The following POU6F2 variants were observed in gnomAD, a reference collection of about 807,000 sequenced individuals.
POU6F2 encodes POU class 6 homeobox 2, also known as POU domain, class 6, transcription factor 2.
A neutral mutation model predicts 71.3 loss-of-function variants in POU6F2; 31 were observed. The observed-to-expected ratio is 0.43, with a 90% CI of 0.33 to 0.59. POU6F2 has a LOEUF of 0.59. POU6F2 is among the 20% of genes least tolerant of loss of function. POU6F2 has a pLI of 0.04. For missense variants in POU6F2, 783 were observed against 856.8 expected (o/e 0.91, Z 1.07); for synonymous variants, 347 against 355.7 (o/e 0.98, Z 0.27).
intron 1 of POU6F2, among the ~76,000 whole-genome samples, chr7:38,981,652 C>T (rs1336697330): frequency 6.6e-6 from 1 of 152,098 alleles, no homozygotes; most frequent in Non-Finnish European, 1.5e-5. Context: ...TGCTAAAGTA[C>T]TAGTAGAAGA....
At chr7:39,176,633 G>A (rs1467712831) in intron 2 of POU6F2, among the ~76,000 whole-genome samples, 1 of 152,100 alleles carries the variant, frequency 6.6e-6, no homozygotes, top group Non-Finnish European at 1.5e-5. Context: ...TTTACATCAT[G>A]GCCTTCAAAT....
intron 4 of POU6F2, among the ~76,000 whole-genome samples, chr7:39,265,642 C>T (rs1784226237): frequency 6.6e-6 from 1 of 152,158 alleles, no homozygotes; most frequent in East Asian, 1.9e-4. Flanking sequence ...CTGGTACCGC[C>T]AGAGCTGGGT....
intron 6 of POU6F2, among the ~76,000 whole-genome samples, chr7:39,407,333 T>C (rs1787456269): frequency 6.6e-6 from 1 of 151,762 alleles, no homozygotes; most frequent in African/African-American, 2.4e-5. Flanking sequence ...ACCTCTGGCA[T>C]GCTTGTTGAT....
At chr7:38,980,745 T>C (rs1045934229) in intron 1 of POU6F2, among the ~76,000 whole-genome samples, 2 of 152,276 alleles carry the variant, frequency 1.3e-5, no homozygotes, top group South Asian at 2.1e-4. Flanking sequence ...CCTAGATGGC[T>C]TTGGGTTGGA....
chr7:39,004,796 C>T (rs932049259), intron 1 of POU6F2, among the ~76,000 whole-genome samples: 7 of 152,204 alleles, frequency 4.6e-5, no homozygotes, highest in African/African-American at 1.7e-4. Context: ...GGTCCACCTG[C>T]TGTGCTCCGG....
chr7:39,243,467 C>T (rs35439815), intron 4 of POU6F2, among the ~76,000 whole-genome samples: 61,452 of 151,864 alleles, frequency 0.4, 13,202 homozygotes, highest in East Asian at 0.68. Flanking sequence ...TGCTTGGGAA[C>T]AATTATGCCC....
Position 39,207,632 on chromosome 7 carries a change from T to C in POU6F2, c.598+12T>C. On this transcript the variant is annotated intron_variant, in intron 4 of 9. Transcript: ENST00000518318. ...GCAAAATCTACAAGGTAATCCATAA[T>C]GTCCATGCGCCACGTAAGGCTCTAC... is the stretch of plus-strand genomic sequence containing the variant. The C allele has an allele frequency of 1.2e-6, 2 of 1,609,480 alleles. No homozygotes were observed. The highest frequency in any genetic ancestry group is 1.7e-6 in the Non-Finnish European group (2 of 1,177,014).
intron 4 of POU6F2, among the ~76,000 whole-genome samples, chr7:39,220,121 A>G (rs1794319399): frequency 6.6e-6 from 1 of 152,202 alleles, no homozygotes; most frequent in African/African-American, 2.4e-5. Flanking sequence ...CCACATTCAG[A>G]AGGCAACCCC....
rs183911076 is a variant in POU6F2 at position 39,235,272 on chromosome 7, A to G, written c.598+27652A>G. Among the ~76,000 whole-genome samples the G allele has an allele frequency of 3.3e-3, 499 of 152,348 alleles. 1 individual carries two copies. Among genetic ancestry groups the G allele is most frequent in the Middle Eastern group, 6.8e-3 (2 of 294 alleles). On this transcript the variant is annotated intron_variant, in intron 4 of 9. Coordinates refer to ENST00000518318, the MANE Select transcript of POU6F2 (RefSeq NM_001370959.1). ...AAAAGGAAAAGGAGGCAACAAAGGC[A>G]GCATAATAGATGTATCTGGGCAGAT...
At chr7:39,159,822 A>C (rs960340415) in intron 2 of POU6F2, among the ~76,000 whole-genome samples, 1 of 152,178 alleles carries the variant, frequency 6.6e-6, no homozygotes, top group African/African-American at 2.4e-5. Context: ...GAAGAGGAAG[A>C]AAAGAAAAAA....
At chr7:39,140,066 G>A (rs73365537) in intron 2 of POU6F2, among the ~76,000 whole-genome samples, 2,627 of 152,256 alleles carry the variant, frequency 0.017, 66 homozygotes, top group African/African-American at 0.06. Context: ...ATACATAAAG[G>A]GTGATCTTGT....
intron 4 of POU6F2, among the ~76,000 whole-genome samples, chr7:39,300,657 C>G (rs1784935307): frequency 6.6e-6 from 1 of 152,016 alleles, no homozygotes; most frequent in African/African-American, 2.4e-5. Flanking sequence ...TCCCAGGCCT[C>G]TCTCCTTGGC....
At chr7:39,051,237 C>G (rs1196960177) in intron 1 of POU6F2, among the ~76,000 whole-genome samples, 1 of 152,076 alleles carries the variant, frequency 6.6e-6, no homozygotes, top group African/African-American at 2.4e-5. Flanking sequence ...AGAAGTTCTA[C>G]AGGCAAAGGA....
intron 4 of POU6F2, among the ~76,000 whole-genome samples, chr7:39,297,289 T>A (rs1360238066): frequency 6.6e-6 from 1 of 151,860 alleles, no homozygotes; most frequent in Non-Finnish European, 1.5e-5. Context: ...TCAGCATTCC[T>A]GTATGAAGTC....
At chr7:39,284,685 T>C (rs1784621069) in intron 4 of POU6F2, among the ~76,000 whole-genome samples, 1 of 152,342 alleles carries the variant, frequency 6.6e-6, no homozygotes, top group Middle Eastern at 3.4e-3. Flanking sequence ...TCAAATACTT[T>C]CTGTTTGGTA....
At chr7:39,226,836 A>G (rs185383373) in intron 4 of POU6F2, among the ~76,000 whole-genome samples, 2 of 152,294 alleles carry the variant, frequency 1.3e-5, no homozygotes, top group East Asian at 3.9e-4. Context: ...AAAAATAAAT[A>G]CCTATCATAT....
intron 1 of POU6F2, among the ~76,000 whole-genome samples, chr7:39,075,737 C>T (rs1421010960): frequency 6.6e-6 from 1 of 152,194 alleles, no homozygotes; most frequent in Non-Finnish European, 1.5e-5. Flanking sequence ...ATGCTTCCAG[C>T]TGAACAAGGA....
intron 4 of POU6F2, among the ~76,000 whole-genome samples, chr7:39,212,661 G>A (rs754816240): frequency 7.2e-5 from 11 of 152,134 alleles, no homozygotes; most frequent in Non-Finnish European, 1.2e-4. Context: ...ACACACCTGT[G>A]AAATAAGACG....
chr7:39,069,159 T>G lies in POU6F2; in HGVS notation c.106-16701T>G, dbSNP rs984590600. Among the ~76,000 whole-genome samples the G allele has an allele frequency of 1.2e-4, 19 of 152,224 alleles. 1 individual carries two copies. The highest frequency in any genetic ancestry group is 1.9e-4 in the Non-Finnish European group (13 of 68,042). The stretch of plus-strand genomic sequence containing the variant: ...TTGAGACTTAAAAAGCACAAGCTCC[T>G]TGCCAGTGTCACCACAGAGCTAAAA... On this transcript the variant is annotated intron_variant, in intron 1 of 9. Coordinates refer to ENST00000518318, the MANE Select transcript of POU6F2 (RefSeq NM_001370959.1).
Sources: gnomAD v4.1 joint callset for allele counts (sites outside exome capture counted in the v4.1 genomes callset) on GRCh38, gnomAD v4.1.1 for gene constraint, MANE v1.5 for transcripts, NCBI Gene and HGNC (gene_info 2026-07-23, HGNC 2026-07-21) for gene names.